The following BBX variants were observed in gnomAD, a reference collection of about 807,000 sequenced individuals.
BBX encodes the protein HMG box transcription factor BBX.
In BBX, 30 loss-of-function variants were observed where a neutral mutation model predicts 100.2. That is an observed-to-expected ratio of 0.30 (90% CI 0.22 to 0.41). BBX has a LOEUF of 0.41. Ranked by LOEUF, BBX falls within the 10% of genes least tolerant of loss-of-function variation. BBX has a pLI of 1.00. For synonymous variants in BBX, 376 were observed against 388.1 expected, an observed-to-expected ratio of 0.97 and a Z score of 0.37; for missense variants, 1,023 against 1,129.8, an observed-to-expected ratio of 0.91 and a Z score of 1.35.
intron 2 of BBX, among the ~76,000 whole-genome samples, chr3:107,534,211 G>C (rs2048344271): frequency 6.6e-6 from 1 of 152,180 alleles, no homozygotes; most frequent in African/African-American, 2.4e-5. Flanking sequence ...CACAGATTAA[G>C]TAATTCAGAG....
intron 2 of BBX, among the ~76,000 whole-genome samples, chr3:107,593,841 G>A (rs2053500993): frequency 6.6e-6 from 1 of 152,162 alleles, no homozygotes; most frequent in Non-Finnish European, 1.5e-5. Context: ...AAGCTGTAGA[G>A]GAAAATAATG....
rs983456206 is a variant in BBX, at chr3:107,743,767, A to T, written c.670-863A>T. Among the ~76,000 whole-genome samples the T allele has an allele frequency of 2.6e-5, 4 of 152,178 alleles. No homozygotes were observed. In the East Asian group the frequency reaches 7.7e-4, roughly 29 times the overall value. On this transcript the variant is annotated intron_variant, in intron 7 of 17. Coordinates refer to ENST00000325805, the MANE Select transcript of BBX (RefSeq NM_001142568.3). ...TTAGTGATGCAGAAAAATTAATATT[A>T]AAGTTTTTTTAAAAAAGAACATTCT... is the stretch of plus-strand genomic sequence containing the variant.
intron 3 of BBX, among the ~76,000 whole-genome samples, chr3:107,671,290 A>T (rs1239472418): frequency 2.6e-5 from 4 of 152,094 alleles, no homozygotes; most frequent in Non-Finnish European, 5.9e-5. Context: ...GGCTGCTGTA[A>T]TAAGAGCTTC....
chr3:107,701,476 T>C (rs1056324716), intron 3 of BBX, among the ~76,000 whole-genome samples: 2 of 152,216 alleles, frequency 1.3e-5, no homozygotes, highest in Non-Finnish European at 2.9e-5. Flanking sequence ...GTAGCAAATG[T>C]TCAATAAAAT....
chr3:107,580,637 T>C (rs1217743003), intron 2 of BBX, among the ~76,000 whole-genome samples: 3 of 151,498 alleles, frequency 2.0e-5, no homozygotes, highest in African/African-American at 4.9e-5. Flanking sequence ...ACTCAATTTT[T>C]TTTTTTAATT....
chr3:107,805,481 T>C lies in BBX; in HGVS notation c.*24T>C, dbSNP rs377318003. 1.2e-5 allele frequency: 20 copies of C among 1,613,982 alleles called. No homozygotes were observed. The Middle Eastern group carries it at 4.9e-4, about 40-fold the overall frequency. On this transcript the variant is annotated 3_prime_UTR_variant, in exon 18 of 18. Coordinates refer to ENST00000325805, the MANE Select transcript of BBX (RefSeq NM_001142568.3). The stretch of plus-strand genomic sequence containing the variant: ...GAAGCGCCCTTTCATTGTAAAACAT[T>C]GTGCTTTACCTACTACCCTAGCCTT...
intron 3 of BBX, among the ~76,000 whole-genome samples, chr3:107,666,044 G>A (rs1001025555): frequency 2.0e-5 from 3 of 152,142 alleles, no homozygotes; most frequent in Admixed American, 1.3e-4. Flanking sequence ...CCACTTTCAA[G>A]GAGTTATTTG....
chr3:107,602,382 C>A (rs962427296), intron 2 of BBX, among the ~76,000 whole-genome samples: 25 of 152,092 alleles, frequency 1.6e-4, no homozygotes, highest in Non-Finnish European at 2.6e-4. Flanking sequence ...TCATTGAAAA[C>A]CTTCTGGAAA....
intron 2 of BBX, among the ~76,000 whole-genome samples, chr3:107,588,345 C>T (rs2053022971): frequency 6.9e-6 from 1 of 145,170 alleles, no homozygotes; most frequent in Non-Finnish European, 1.5e-5. Flanking sequence ...AAGGGGGGGC[C>T]TGGAGCAGGG....
intron 3 of BBX, chr3:107,663,008 C>T (rs2058542366): frequency 6.6e-6 from 1 of 152,072 alleles, no homozygotes; most frequent in African/African-American, 2.4e-5. Flanking sequence ...ACAGAAAATG[C>T]TATAGATACA....
chr3:107,592,774 G>GAT (rs2053421427), intron 2 of BBX, among the ~76,000 whole-genome samples: 1 of 152,184 alleles, frequency 6.6e-6, no homozygotes, highest in Admixed American at 6.5e-5. Context: ...TATTATAATA[G>GAT]GTGATCCTTG....
rs2050555201 is a variant in BBX at position 107,562,219 on chromosome 3, C to T, written c.-84+35821C>T. 2.6e-5 allele frequency among the ~76,000 whole-genome samples: 4 copies of T among 152,130 alleles called. No homozygotes were observed. In the South Asian group the frequency reaches 8.3e-4, roughly 32 times the overall value. On this transcript the variant is annotated intron_variant, in intron 2 of 17. Transcript: ENST00000325805. ...ACATTCAAATAAACACACATGGGAT[C>T]CCTTATGAGCGTGAACCCATAAAAC...
In BBX at chr3:107,802,424, A is replaced by G. The variant is rs181312543; in HGVS notation, c.2738+1143A>G. Among the ~76,000 whole-genome samples the G allele has an allele frequency of 1.4e-4, 22 of 152,378 alleles. No individual in the cohort carries two copies. In the East Asian group the frequency reaches 3.5e-3, roughly 24 times the overall value. On this transcript the variant is annotated intron_variant, in intron 17 of 17. Coordinates refer to ENST00000325805, the MANE Select transcript of BBX (RefSeq NM_001142568.3). Reference sequence around the variant, plus strand: ...TAATAGCAAGTGAATGCTCACAGACATTGTTAAAATTCAGTGAGGTCTCTG... The same window carrying G: ...TAATAGCAAGTGAATGCTCACAGACGTTGTTAAAATTCAGTGAGGTCTCTG...
intron 3 of BBX, chr3:107,662,551 C>T (rs2058507780): frequency 6.6e-6 from 1 of 150,478 alleles, no homozygotes; most frequent in South Asian, 2.1e-4. Context: ...AGTACTGTGA[C>T]ATAAAATTGA....
At chr3:107,611,737 G>A (rs752662244) in intron 2 of BBX, among the ~76,000 whole-genome samples, 1 of 152,014 alleles carries the variant, frequency 6.6e-6, no homozygotes, top group Non-Finnish European at 1.5e-5. Context: ...TCTGCTTGGT[G>A]TTATGTAACT....
chr3:107,591,728 T>C (rs1020028142), intron 2 of BBX, among the ~76,000 whole-genome samples: 3 of 152,166 alleles, frequency 2.0e-5, no homozygotes, highest in East Asian at 1.9e-4. Flanking sequence ...GCTTAAGCAG[T>C]CCTCCCACCT....
At chr3:107,593,754 T>A (rs1172181932) in intron 2 of BBX, among the ~76,000 whole-genome samples, 3 of 151,962 alleles carry the variant, frequency 2.0e-5, no homozygotes, top group African/African-American at 7.3e-5. Flanking sequence ...TCCCTGTAAG[T>A]GGAAAAACAA....
At chr3:107,535,593 C>CTTTTTTTTTTTTTTTTTTTTTT (rs11298693) in intron 2 of BBX, among the ~76,000 whole-genome samples, 2 of 132,854 alleles carry the variant, frequency 1.5e-5, no homozygotes, top group Non-Finnish European at 3.2e-5. Flanking sequence ...TGCTCTGTTC[C>CTTTTTTTTTTTTTTTTTTTTTT]TTTTTTTTTT....
chr3:107,607,483 A>T (rs1376031531), intron 2 of BBX, among the ~76,000 whole-genome samples: 1 of 152,154 alleles, frequency 6.6e-6, no homozygotes, highest in Non-Finnish European at 1.5e-5. Context: ...TTGCTTCCAA[A>T]TCTTGGCTAT....
Sources: gnomAD v4.1 joint callset for allele counts (sites outside exome capture counted in the v4.1 genomes callset) on GRCh38, gnomAD v4.1.1 for gene constraint, MANE v1.5 for transcripts, NCBI Gene and HGNC (gene_info 2026-07-23, HGNC 2026-07-21) for gene names.